POGK: variants seen among roughly 807,000 people sequenced by gnomAD.
The protein encoded by POGK is pogo transposable element derived with KRAB domain, also known as pogo transposable element with KRAB domain.
In POGK, 16 loss-of-function variants were observed where a neutral mutation model predicts 54.4. That is an observed-to-expected ratio of 0.29 (90% CI 0.20 to 0.45). The LOEUF is 0.45. POGK is among the 20% of genes least tolerant of loss of function. The probability of loss-of-function intolerance (pLI) is 1.00; values close to 1 mark genes in which losing one functional copy is unlikely to be tolerated. For missense variants in POGK, 515 were observed against 795.6 expected (o/e 0.65, Z 4.24); for synonymous variants, 271 against 302.2 (o/e 0.90, Z 1.07).
Position 166,854,639 on chromosome 1 carries a change from C to T in POGK, c.*2069C>T, listed in dbSNP as rs1658215106. 1 of 152,162 alleles carries T rather than the reference C, an allele frequency of 6.6e-6. No individual in the cohort carries two copies. Among genetic ancestry groups the T allele is most frequent in the African/African-American group, 2.4e-5 (1 of 41,422 alleles). 9.4% of individuals were successfully genotyped at this position (152,162 alleles called of 1,614,324 possible). A position where few individuals can be genotyped will look rare whatever the true frequency, so the allele number is the denominator to read the frequency against. The stretch of plus-strand genomic sequence containing the variant: ...AGTAATATTGGTATCTGTGAAGACA[C>T]AGGGAAGAACGTGTGCAGTGGGGCA... On this transcript the variant is annotated 3_prime_UTR_variant, in exon 6 of 6. Transcript: ENST00000367876.
chr1:166,841,184 A>G lies in POGK; in HGVS notation c.132+96A>G, dbSNP rs878969433. The G allele has an allele frequency of 8.7e-6, 13 of 1,499,314 alleles. No homozygotes were observed. In the South Asian group the frequency reaches 1.4e-4, roughly 16 times the overall value. 92.9% of individuals were successfully genotyped at this position (1,499,314 alleles called of 1,614,324 possible). A position where few individuals can be genotyped will look rare whatever the true frequency, so the allele number is the denominator to read the frequency against. On this transcript the variant is annotated intron_variant, in intron 2 of 5. Coordinates refer to ENST00000367876, the MANE Select transcript of POGK (RefSeq NM_017542.5). ...CCTCCTCAGACAGACGTGGGAAGTA[A>G]AAATAGCCCAGCCCGGTGTGTTTGC... is the stretch of plus-strand genomic sequence containing the variant.
At chr1:166,844,149 T>C (rs1050368682) in intron 2 of POGK, among the ~76,000 whole-genome samples, 4 of 152,098 alleles carry the variant, frequency 2.6e-5, no homozygotes, top group African/African-American at 9.7e-5. Flanking sequence ...GCTCAGTCAT[T>C]AATAGGAAGA....
intron 2 of POGK, among the ~76,000 whole-genome samples, chr1:166,842,387 C>T (rs1005025179): frequency 6.6e-6 from 1 of 152,192 alleles, no homozygotes; most frequent in African/African-American, 2.4e-5. Flanking sequence ...TTGTGGCCTC[C>T]AGGCAATCAG....
intron 2 of POGK, among the ~76,000 whole-genome samples, chr1:166,845,381 G>A (rs989675541): frequency 3.3e-5 from 5 of 150,188 alleles, no homozygotes; most frequent in African/African-American, 4.9e-5. Context: ...AAAAATAGGC[G>A]TATCTACTCC....
chr1:166,844,230 A>G (rs542051746), intron 2 of POGK, among the ~76,000 whole-genome samples: 1 of 152,280 alleles, frequency 6.6e-6, no homozygotes, highest in African/African-American at 2.4e-5. Flanking sequence ...TGTTTTTACC[A>G]GGCCTAGAAT....
Position 166,848,931 on chromosome 1 carries a change from C to T in POGK, c.359-7C>T. The T allele has an allele frequency of 2.5e-6, 4 of 1,575,858 alleles. No individual in the cohort carries two copies. Among genetic ancestry groups the T allele is most frequent in the Non-Finnish European group, 3.4e-6 (4 of 1,161,910 alleles). Reference sequence around the variant, plus strand: ...ATTATTTTTGCCCCTCACTATTTGTCTCCCAGAAAATGAAGAATCTGACGT... The same window carrying T: ...ATTATTTTTGCCCCTCACTATTTGTTTCCCAGAAAATGAAGAATCTGACGT... On this transcript the variant is annotated splice_region_variant and splice_polypyrimidine_tract_variant and intron_variant, in intron 4 of 5. Transcript: ENST00000367876.
intron 5 of POGK, 156 bp downstream of exon 5, chr1:166,850,579 C>G: frequency 3.9e-6 from 3 of 768,852 alleles, no homozygotes; most frequent in Middle Eastern, 3.9e-4. Context: ...ACGGACCATA[C>G]TGGTCCATGG....
intron 4 of POGK, among the ~76,000 whole-genome samples, chr1:166,847,797 G>T (rs1212248788): frequency 6.6e-6 from 1 of 152,188 alleles, no homozygotes; most frequent in African/African-American, 2.4e-5. Flanking sequence ...TCCTCTATCA[G>T]CTCTGAGTAA....
At chr1:166,841,134 T>C (rs2101745288) in intron 2 of POGK, 46 bp downstream of exon 2, 1 of 1,602,458 alleles carries the variant, frequency 6.2e-7, no homozygotes, top group South Asian at 1.1e-5. Context: ...GATGCAGGCC[T>C]GAGAGCCCAG....
intron 2 of POGK, 63 bp from the exon 3 acceptor site, chr1:166,846,549 C>T (rs1017613135): frequency 1.4e-5 from 23 of 1,603,170 alleles, no homozygotes; most frequent in Admixed American, 3.4e-5. Flanking sequence ...AGGTCCTGTC[C>T]GCTCTGAAAG....
In POGK at chr1:166,855,407, C is replaced by T. The variant is rs1658241705; in HGVS notation, c.*2837C>T. ...ATTAGAGAAGCGATTGCACTCGAGT[C>T]CCCACAGCTGGCAGTGGTGTTACAG... is the stretch of plus-strand genomic sequence containing the variant. On this transcript the variant is annotated 3_prime_UTR_variant, in exon 6 of 6. Coordinates refer to ENST00000367876, the MANE Select transcript of POGK (RefSeq NM_017542.5). 1 of 152,156 alleles carries T rather than the reference C, an allele frequency of 6.6e-6. No individual in the cohort carries two copies. Among genetic ancestry groups the T allele is most frequent in the South Asian group, 2.1e-4 (1 of 4,830 alleles). The allele number at this position is 152,156 out of a possible 1,614,324, so 9.4% of individuals were successfully genotyped here. A position where few individuals can be genotyped will look rare whatever the true frequency, so the allele number is the denominator to read the frequency against.
At position 166,853,282 on chromosome 1, in the gene POGK, A is replaced by C. The variant is rs905631839; in HGVS notation, c.*712A>C. 1 of 152,672 alleles carries C rather than the reference A, an allele frequency of 6.5e-6. No homozygotes were observed. The highest frequency in any genetic ancestry group is 6.5e-5 in the Admixed American group (1 of 15,282). The allele number at this position is 152,672 out of a possible 1,614,324, so 9.5% of individuals were successfully genotyped here. ...TATTTATCTTCCCAACCTGATTGGCAGCTAGACTTTTTTAGGGTCTCATTT... is the reference window on the plus strand; with the variant it reads ...TATTTATCTTCCCAACCTGATTGGCCGCTAGACTTTTTTAGGGTCTCATTT... On this transcript the variant is annotated 3_prime_UTR_variant, in exon 6 of 6. Transcript: ENST00000367876.
intron 5 of POGK, 150 bp downstream of exon 5, chr1:166,850,573 A>G (rs898165249): frequency 3.6e-6 from 3 of 826,842 alleles, no homozygotes; most frequent in Non-Finnish European, 5.5e-6. Context: ...CAGGTCACGG[A>G]CCATACTGGT....
rs1658246485 is a variant in POGK, at chr1:166,855,594, A to C, written c.*3024A>C. On this transcript the variant is annotated 3_prime_UTR_variant, in exon 6 of 6. Transcript: ENST00000367876. ...AATTGGCATGGAGAGCAGATAGTAGAGTGTAGACCTGAAATACATGAGGCA... is the reference window on the plus strand; with the variant it reads ...AATTGGCATGGAGAGCAGATAGTAGCGTGTAGACCTGAAATACATGAGGCA... 6.6e-6 allele frequency: 1 copy of C among 152,252 alleles called. No individual in the cohort carries two copies. The highest frequency in any genetic ancestry group is 2.4e-5 in the African/African-American group (1 of 41,460). 9.4% of individuals were successfully genotyped at this position (152,252 alleles called of 1,614,324 possible).
Position 166,849,817 on chromosome 1 carries a change from C to T in POGK, c.1238C>T (p.Pro413Leu). The T allele has an allele frequency of 2.5e-6, 4 of 1,614,246 alleles. No individual in the cohort carries two copies. Among genetic ancestry groups the T allele is most frequent in the Non-Finnish European group, 3.4e-6 (4 of 1,180,052 alleles). ...GVLADGRKLPPYIILRGTYIP... is the reference protein window; with the variant it reads ...GVLADGRKLPLYIILRGTYIP... ...TTGGCTGATGGGAGGAAGTTACCAC[C>T]GTACATCATTTTGAGGGGAACATAT... Residue 413 changes from proline to leucine, a missense_variant, in exon 5 of 6, where the codon CCG (proline) becomes CTG (leucine). Physicochemically the swap from Pro to Leu is moderately conservative, Grantham distance 98. Around this residue, in one of 2 missense-constraint regions of POGK, gnomAD observed 461 missense variants for 743.5 expected, o/e 0.62. Transcript: ENST00000367876.
At chr1:166,842,714 T>C (rs537104219) in intron 2 of POGK, among the ~76,000 whole-genome samples, 1 of 152,034 alleles carries the variant, frequency 6.6e-6, no homozygotes, top group South Asian at 2.1e-4. Context: ...TTTGGCAATA[T>C]CTGGAAACAC....
chr1:166,850,663 C>T (rs1658025348), intron 5 of POGK: 1 of 434,820 alleles, frequency 2.3e-6, no homozygotes, highest in African/African-American at 2.0e-5. Flanking sequence ...GCTCCGCCCG[C>T]TGTCACAGCA....
rs1658250432 is a variant in POGK, at chr1:166,855,690, A to G, written c.*3120A>G. 1 of 152,298 alleles carries G rather than the reference A, an allele frequency of 6.6e-6. No individual in the cohort carries two copies. Among genetic ancestry groups the G allele is most frequent in the Non-Finnish European group, 1.5e-5 (1 of 68,120 alleles). The allele number at this position is 152,298 out of a possible 1,614,324, so 9.4% of individuals were successfully genotyped here. ...ACTAGGAATTCAGGCCAGGTCCTAG[A>G]GAGTAGTGAGAAGTTTTCCAGTTTG... On this transcript the variant is annotated 3_prime_UTR_variant, in exon 6 of 6. Transcript: ENST00000367876.
chr1:166,851,274 G>T (rs1658053178), intron 5 of POGK: 1 of 152,184 alleles, frequency 6.6e-6, no homozygotes, highest in African/African-American at 2.4e-5. Context: ...CAGTCCTGGA[G>T]CTATCTACAG....
Sources: allele counts gnomAD v4.1 joint callset (sites outside exome capture counted in the v4.1 genomes callset), GRCh38; gene constraint gnomAD v4.1.1; regional missense constraint gnomAD v4.1.1; transcripts MANE v1.5; gene names NCBI Gene and HGNC (gene_info 2026-07-23, HGNC 2026-07-21).